RBFOX1: variants seen among roughly 807,000 people sequenced by gnomAD.
RBFOX1 encodes the protein RNA binding protein fox-1 homolog 1.
Under a neutral mutation model 57.7 loss-of-function variants are expected in RBFOX1, and 8 were observed. The ratio of observed to expected loss-of-function variants is 0.14; its 90% CI spans 0.08 to 0.25. The LOEUF (loss-of-function observed/expected upper bound fraction) is 0.25, where lower values mean the gene tolerates loss of function less well. RBFOX1 is among the 10% of genes least tolerant of loss of function. RBFOX1 has a pLI of 1.00. For missense variants in RBFOX1, 611 were observed against 548.5 expected (o/e 1.11, Z -1.14); for synonymous variants, 326 against 222.4 (o/e 1.47, Z -4.15).
intron 4 of RBFOX1, among the ~76,000 whole-genome samples, chr16:5,992,163 GA>G (rs200237630): frequency 2.1e-4 from 31 of 148,326 alleles, no homozygotes; most frequent in East Asian, 3.9e-4. Context: ...AAATTCTGAA[GA>G]AAAAAAAAGA....
chr16:7,484,566 A>C (rs2151324920), intron 4 of RBFOX1, among the ~76,000 whole-genome samples: 1 of 152,234 alleles, frequency 6.6e-6, no homozygotes, highest in African/African-American at 2.4e-5. Flanking sequence ...GAGTTCAAGC[A>C]ATTCTCCTAC....
rs532957725 is a variant in RBFOX1 at position 6,941,129 on chromosome 16, T to G, written c.-15-110928T>G. On this transcript the variant is annotated intron_variant, in intron 3 of 15. Transcript: ENST00000550418. ...CTTAGTTGGAATTTCATTTCAAGTCTACTGGGATATGGAGGCAAGAATCCT... is the reference window on the plus strand; with the variant it reads ...CTTAGTTGGAATTTCATTTCAAGTCGACTGGGATATGGAGGCAAGAATCCT... Among the ~76,000 whole-genome samples, 12 of 152,164 alleles carry G rather than the reference T, an allele frequency of 7.9e-5. No homozygotes were observed. The South Asian group carries it at 2.1e-3, about 26-fold the overall frequency.
intron 2 of RBFOX1, among the ~76,000 whole-genome samples, chr16:6,431,923 T>TTC (rs764358780): frequency 1.3e-5 from 2 of 150,434 alleles, no homozygotes; most frequent in South Asian, 4.3e-4. Flanking sequence ...CTTTCTTTCT[T>TTC]TCTTTCTTTC....
intron 3 of RBFOX1, among the ~76,000 whole-genome samples, chr16:6,924,735 G>A (rs1448213303): frequency 6.6e-6 from 1 of 151,264 alleles, no homozygotes; most frequent in Non-Finnish European, 1.5e-5. Context: ...CAACGTGCAG[G>A]TTTGTTACAT....
intron 3 of RBFOX1, among the ~76,000 whole-genome samples, chr16:7,039,592 C>T (rs952207916): frequency 6.6e-5 from 10 of 152,038 alleles, no homozygotes; most frequent in African/African-American, 2.4e-4. Context: ...CACTTTTGTT[C>T]TTCCTTGTGA....
intron 4 of RBFOX1, among the ~76,000 whole-genome samples, chr16:5,930,081 G>T (rs1369487720): frequency 6.6e-6 from 1 of 151,554 alleles, no homozygotes; most frequent in Non-Finnish European, 1.5e-5. Context: ...GCTGGGAGGG[G>T]GTTTGCGTTT....
intron 6 of RBFOX1, among the ~76,000 whole-genome samples, chr16:7,586,164 A>C (rs756535277): frequency 6.6e-6 from 1 of 152,248 alleles, no homozygotes; most frequent in Admixed American, 6.5e-5. Flanking sequence ...GCATGGAGAT[A>C]AAATTCCCAT....
rs528807641 is a variant in RBFOX1 at position 5,279,250 on chromosome 16, A to G, written c.219+39145A>G. Among the ~76,000 whole-genome samples the G allele has an allele frequency of 3.9e-5, 6 of 152,012 alleles. No homozygotes were observed. The South Asian group carries it at 1.2e-3, about 32-fold the overall frequency. ...TTTCCATTTGTTTGTGTCCTTCTCA[A>G]TTTATTTTATCAGTGTTTTGTGGTT... On this transcript the variant is annotated intron_variant, in intron 1 of 2. Coordinates refer to the RBFOX1 transcript ENST00000585867.
At chr16:7,508,938 C>T (rs552824867) in intron 4 of RBFOX1, among the ~76,000 whole-genome samples, 2 of 152,202 alleles carry the variant, frequency 1.3e-5, no homozygotes, top group Non-Finnish European at 2.9e-5. Flanking sequence ...CAAAACCTCT[C>T]CCTTGACAAG....
At chr16:6,668,355 G>C (rs1239260135) in intron 3 of RBFOX1, among the ~76,000 whole-genome samples, 1 of 152,210 alleles carries the variant, frequency 6.6e-6, no homozygotes, top group African/African-American at 2.4e-5. Context: ...GCCAGGTATA[G>C]TTTAGTTGTT....
At chr16:6,186,330 G>C (rs1362719239) in intron 1 of RBFOX1, among the ~76,000 whole-genome samples, 1 of 152,164 alleles carries the variant, frequency 6.6e-6, no homozygotes, top group Non-Finnish European at 1.5e-5. Context: ...TTTGGAGTGA[G>C]TTTGAAGAAG....
intron 3 of RBFOX1, among the ~76,000 whole-genome samples, chr16:6,738,715 C>T (rs1020071693): frequency 1.3e-4 from 20 of 152,166 alleles, no homozygotes; most frequent in Admixed American, 1.3e-4. Flanking sequence ...GAGCATATAC[C>T]TTGAGAGACC....
intron 1 of RBFOX1, among the ~76,000 whole-genome samples, chr16:5,269,315 C>T (rs369852550): frequency 6.3e-5 from 9 of 142,288 alleles, no homozygotes; most frequent in African/African-American, 2.3e-4. Flanking sequence ...TTTCATTGAG[C>T]ATCTTTTCAT....
At chr16:7,517,190 G>C (rs2152145149) in intron 4 of RBFOX1, among the ~76,000 whole-genome samples, 1 of 133,780 alleles carries the variant, frequency 7.5e-6, no homozygotes, top group South Asian at 2.3e-4. Flanking sequence ...TGTGTGTGTT[G>C]TGGTAGAACT....
At chr16:6,124,756 G>A (rs2096576863) in intron 1 of RBFOX1, among the ~76,000 whole-genome samples, 1 of 152,056 alleles carries the variant, frequency 6.6e-6, no homozygotes, top group African/African-American at 2.4e-5. Flanking sequence ...TCAAACTCCT[G>A]ACCTCAAGTG....
intron 1 of RBFOX1, among the ~76,000 whole-genome samples, chr16:5,440,211 C>T (rs1257135742): frequency 1.3e-5 from 2 of 152,172 alleles, no homozygotes; most frequent in South Asian, 2.1e-4. Flanking sequence ...ACATTTGGGC[C>T]TCCCACAGCC....
intron 1 of RBFOX1, among the ~76,000 whole-genome samples, chr16:5,253,650 T>C (rs2062512345): frequency 6.6e-6 from 1 of 152,182 alleles, no homozygotes; most frequent in South Asian, 2.1e-4. Flanking sequence ...TTTTAGGAGA[T>C]AGTTTCTATT....
chr16:6,760,447 G>C (rs2076444408), intron 3 of RBFOX1, among the ~76,000 whole-genome samples: 1 of 152,150 alleles, frequency 6.6e-6, no homozygotes, highest in South Asian at 2.1e-4. Flanking sequence ...TTTAAGAAAG[G>C]CATGTATTAT....
intron 2 of RBFOX1, among the ~76,000 whole-genome samples, chr16:6,489,965 A>G (rs1484855596): frequency 6.6e-6 from 1 of 152,238 alleles, no homozygotes; most frequent in African/African-American, 2.4e-5. Context: ...GGTGTCTTCA[A>G]GAAACTTAAG....
Sources: allele counts gnomAD v4.1 joint callset (sites outside exome capture counted in the v4.1 genomes callset), GRCh38; gene constraint gnomAD v4.1.1; transcripts MANE v1.5; gene names NCBI Gene and HGNC (gene_info 2026-07-23, HGNC 2026-07-21).